The following UHRF2 variants were observed in gnomAD, a reference collection of about 807,000 sequenced individuals.
UHRF2 encodes ubiquitin like with PHD and ring finger domains 2.
Under a neutral mutation model 96.8 loss-of-function variants are expected in UHRF2, and 23 were observed. The ratio of observed to expected loss-of-function variants is 0.24; its 90% CI spans 0.17 to 0.34. The LOEUF is 0.34. Among genes scored for constraint, UHRF2 ranks in the 10% least tolerant of loss-of-function variants. The pLI is 1.00. For synonymous variants in UHRF2, 385 were observed against 332.6 expected (o/e 1.16, Z -1.72); for missense variants, 685 against 981.5 (o/e 0.70, Z 4.04).
chr9:6,486,498 G>T (rs1409761991), intron 8 of UHRF2, among the ~76,000 whole-genome samples: 1 of 152,200 alleles, frequency 6.6e-6, no homozygotes, highest in East Asian at 1.9e-4. Context: ...TAGCTGAGTT[G>T]AGCTGGAAGT....
chr9:6,428,835 A>G (rs1190395117), intron 2 of UHRF2, among the ~76,000 whole-genome samples: 4 of 151,968 alleles, frequency 2.6e-5, no homozygotes, highest in Admixed American at 6.6e-5. Flanking sequence ...AGTGTGAGCC[A>G]TCACACCCAG....
At chr9:6,500,790 A>C (rs1306664483) in intron 14 of UHRF2, 81 bp downstream of exon 14, 1 of 1,343,124 alleles carries the variant, frequency 7.4e-7, no homozygotes, top group African/African-American at 1.5e-5. Flanking sequence ...TGTTTTTCAC[A>C]CATCAGTCAA....
intron 3 of UHRF2, among the ~76,000 whole-genome samples, chr9:6,458,227 T>C (rs1195032285): frequency 1.3e-5 from 2 of 152,186 alleles, no homozygotes; most frequent in East Asian, 3.8e-4. Context: ...CCTGGTTTCG[T>C]CTTGGGAGGG....
intron 3 of UHRF2, among the ~76,000 whole-genome samples, chr9:6,434,922 C>T (rs1231057807): frequency 6.6e-6 from 1 of 152,022 alleles, no homozygotes; most frequent in Non-Finnish European, 1.5e-5. Flanking sequence ...TCTCCGCCTC[C>T]TGGGCTCAAG....
In UHRF2 at chr9:6,479,150, G is replaced by A. The variant is rs141707244; in HGVS notation, c.1160+1342G>A. 3.9e-4 allele frequency among the ~76,000 whole-genome samples: 60 copies of A among 151,990 alleles called. 1 individual carries two copies. In the East Asian group the frequency reaches 0.011, roughly 28 times the overall value. On this transcript the variant is annotated intron_variant, in intron 6 of 15. Coordinates refer to ENST00000276893, the MANE Select transcript of UHRF2 (RefSeq NM_152896.3). ...ATTTCTCCCACTGGCTGCCTACCCC[G>A]TTCTCTGCTTCTTTCATGCAAAGAT...
At chr9:6,413,745 C>T in intron 1 of UHRF2, 102 bp downstream of exon 1, 1 of 1,285,088 alleles carries the variant, frequency 7.8e-7, no homozygotes. Flanking sequence ...GCGCGCAGGG[C>T]TCACCTGGCT....
At chr9:6,489,731 T>G (rs565527606) in intron 9 of UHRF2, among the ~76,000 whole-genome samples, 48 of 143,014 alleles carry the variant, frequency 3.4e-4, no homozygotes, top group East Asian at 7.8e-4. Context: ...GGTTTTTGTT[T>G]TTTTTTTTTT....
chr9:6,416,612 C>A (rs543542755), intron 1 of UHRF2, among the ~76,000 whole-genome samples: 109 of 147,468 alleles, frequency 7.4e-4, no homozygotes, highest in South Asian at 2.4e-3. Context: ...GCGCGATCTC[C>A]GCTCACTGCA....
At chr9:6,478,476 G>A (rs1587852187) in intron 6 of UHRF2, among the ~76,000 whole-genome samples, 2 of 152,272 alleles carry the variant, frequency 1.3e-5, no homozygotes, top group East Asian at 1.9e-4. Context: ...ATCCTGTGAC[G>A]TTGATACATT....
At chr9:6,432,656 A>T (rs1820619638) in intron 2 of UHRF2, among the ~76,000 whole-genome samples, 1 of 152,252 alleles carries the variant, frequency 6.6e-6, no homozygotes. Flanking sequence ...CTGATATTTA[A>T]CTTACTTCTC....
chr9:6,419,908 T>G (rs901208486), intron 1 of UHRF2, among the ~76,000 whole-genome samples: 1 of 151,902 alleles, frequency 6.6e-6, no homozygotes, highest in African/African-American at 2.4e-5. Flanking sequence ...CCCGGCTACG[T>G]TTTTTTATTT....
intron 14 of UHRF2, 46 bp downstream of exon 14, chr9:6,500,755 T>G (rs1253500281): frequency 1.6e-5 from 25 of 1,525,712 alleles, no homozygotes; most frequent in Non-Finnish European, 2.0e-5. Context: ...TATTAACAAA[T>G]GATAAATAAT....
chr9:6,481,857 C>T, intron 7 of UHRF2, 91 bp downstream of exon 7: 1 of 1,539,734 alleles, frequency 6.5e-7, no homozygotes, highest in African/African-American at 1.4e-5. Context: ...AAAGATTAAA[C>T]AGTATCATTA....
intron 4 of UHRF2, chr9:6,468,564 G>A: frequency 2.2e-6 from 1 of 456,040 alleles, no homozygotes; most frequent in Non-Finnish European, 4.4e-6. Flanking sequence ...GTAAAATCTA[G>A]TTCAGAGCAG....
intron 14 of UHRF2, among the ~76,000 whole-genome samples, chr9:6,503,259 G>A (rs942927375): frequency 6.6e-6 from 1 of 152,240 alleles, no homozygotes; most frequent in Non-Finnish European, 1.5e-5. Context: ...GCCTCCCAGA[G>A]TACTGGGATT....
intron 3 of UHRF2, among the ~76,000 whole-genome samples, chr9:6,449,898 C>A (rs1821748177): frequency 6.6e-6 from 1 of 152,208 alleles, no homozygotes; most frequent in Non-Finnish European, 1.5e-5. Context: ...TGTGACTCTA[C>A]TAGGAGATGA....
At position 6,460,598 on chromosome 9, in the gene UHRF2, A is replaced by G; in HGVS notation, c.670A>G (p.Met224Val). The G allele has an allele frequency of 6.2e-7, 1 of 1,608,696 alleles. No homozygotes were observed. The highest frequency in any genetic ancestry group is 8.5e-7 in the Non-Finnish European group (1 of 1,176,844). ...ATACCCAGAAAGCGGTACTCTAGAA[A>G]TGAATGTCAAGGATCTTAGACCACG... ...DEYPESGTLE[M>V]NVKDLRPRAR... The change falls in exon 4 of 16, where the codon ATG (methionine) becomes GTG (valine). Residue 224 changes from methionine to valine, a missense_variant. Physicochemically the swap from Met to Val is conservative, Grantham distance 21. Coordinates refer to ENST00000276893, the MANE Select transcript of UHRF2 (RefSeq NM_152896.3).
chr9:6,416,377 C>T (rs1013495411), intron 1 of UHRF2, among the ~76,000 whole-genome samples: 1 of 151,090 alleles, frequency 6.6e-6, no homozygotes, highest in Non-Finnish European at 1.5e-5. Context: ...CTTGACTCCA[C>T]ATTTGAGGGT....
At chr9:6,447,481 A>G (rs1287661716) in intron 3 of UHRF2, among the ~76,000 whole-genome samples, 18 of 152,204 alleles carry the variant, frequency 1.2e-4, no homozygotes. Flanking sequence ...TAGTTCCTGA[A>G]GGAGAACAGC....
Sources: allele counts gnomAD v4.1 joint callset (sites outside exome capture counted in the v4.1 genomes callset), GRCh38; gene constraint gnomAD v4.1.1; transcripts MANE v1.5; gene names NCBI Gene and HGNC (gene_info 2026-07-23, HGNC 2026-07-21).